PTPRM: variants seen among roughly 807,000 people sequenced by gnomAD.
PTPRM encodes the protein protein tyrosine phosphatase receptor type M.
A neutral mutation model predicts 186.7 loss-of-function variants in PTPRM; 47 were observed. The ratio of observed to expected loss-of-function variants is 0.25; its 90% CI spans 0.20 to 0.32. The LOEUF (loss-of-function observed/expected upper bound fraction) is 0.32. Ranked by LOEUF, PTPRM falls within the 10% of genes least tolerant of loss-of-function variation. PTPRM has a pLI of 1.00. For synonymous variants in PTPRM, 668 were observed against 674.9 expected, an observed-to-expected ratio of 0.99 and a Z score of 0.16; for missense variants, 1,494 against 1,865.0, an observed-to-expected ratio of 0.80 and a Z score of 3.66.
chr18:8,198,943 G>A (rs568994678), intron 14 of PTPRM, among the ~76,000 whole-genome samples: 34 of 152,200 alleles, frequency 2.2e-4, no homozygotes, highest in Admixed American at 2.0e-3. Flanking sequence ...AATGATGGCA[G>A]CAAAAGCCCA....
At chr18:7,667,422 G>A (rs2039120952) in intron 1 of PTPRM, among the ~76,000 whole-genome samples, 1 of 152,130 alleles carries the variant, frequency 6.6e-6, no homozygotes, top group Admixed American at 6.5e-5. Flanking sequence ...GGGCCTATAG[G>A]TCCCAAAGCA....
At chr18:8,325,441 G>T (rs1041509824) in intron 22 of PTPRM, among the ~76,000 whole-genome samples, 1 of 152,088 alleles carries the variant, frequency 6.6e-6, no homozygotes, top group East Asian at 1.9e-4. Flanking sequence ...CCTGCGATTG[G>T]TCAGTTAGGA....
Position 8,244,097 on chromosome 18 carries a change from C to G in PTPRM, c.2340C>G (p.Thr780=), listed in dbSNP as rs764456048. 2 of 1,609,196 alleles carry G rather than the reference C, an allele frequency of 1.2e-6. No individual in the cohort carries two copies. Among genetic ancestry groups the G allele is most frequent in the Non-Finnish European group, 1.7e-6 (2 of 1,178,452 alleles). The change falls in exon 15 of 33, where the codon ACC becomes ACG. Residue 780 remains threonine (T), a synonymous_variant. Transcript: ENST00000580170. The part of the protein sequence containing the change: ...AKKRKETMSS[T]RQEMTVMVNS... ...AGCGGAAAGAGACCATGAGCAGCAC[C>G]CGACAGGAGATGACTGTGATGGTGA...
intron 24 of PTPRM, 37 bp from the exon 25 acceptor site, chr18:8,376,009 T>C: frequency 6.3e-7 from 1 of 1,581,982 alleles, no homozygotes. Context: ...TGTTTTCCCT[T>C]GTTCTCTTCC....
chr18:8,209,989 TAAAAAAAAAAAA>T (rs67547673), intron 14 of PTPRM, among the ~76,000 whole-genome samples: 916 of 78,716 alleles, frequency 0.012, 13 homozygotes, highest in African/African-American at 0.027. Flanking sequence ...GAAGTAAAAT[TAAAAAAAAAAAA>T]AAAAAAAAAA....
At chr18:8,312,031 G>A (rs1166943502) in intron 20 of PTPRM, among the ~76,000 whole-genome samples, 4 of 152,086 alleles carry the variant, frequency 2.6e-5, no homozygotes, top group East Asian at 1.9e-4. Flanking sequence ...TAATTCGGTC[G>A]GTTGCCTGCC....
At position 8,101,332 on chromosome 18, in the gene PTPRM, T is replaced by A. The variant is rs186853930; in HGVS notation, c.1857-12154T>A. On this transcript the variant is annotated intron_variant, in intron 11 of 32. Coordinates refer to ENST00000580170, the MANE Select transcript of PTPRM (RefSeq NM_001105244.2). The stretch of plus-strand genomic sequence containing the variant: ...CAGCATCAAACACAGATGTTATCTG[T>A]TCAGTACAGGAAGCCTTTTCTTATT... 1.1e-4 allele frequency among the ~76,000 whole-genome samples: 17 copies of A among 152,294 alleles called. No individual in the cohort carries two copies. In the East Asian group the frequency reaches 3.3e-3, roughly 29 times the overall value.
intron 15 of PTPRM, among the ~76,000 whole-genome samples, chr18:8,247,564 G>T (rs765986626): frequency 1.3e-5 from 2 of 152,194 alleles, no homozygotes; most frequent in Non-Finnish European, 2.9e-5. Flanking sequence ...CAAAATAGAA[G>T]TCTGATGAAT....
At chr18:7,854,731 G>GTTTT (rs10541123) in intron 2 of PTPRM, among the ~76,000 whole-genome samples, 3,158 of 141,868 alleles carry the variant, frequency 0.022, 111 homozygotes, top group African/African-American at 0.076. Flanking sequence ...AATGTTAGGA[G>GTTTT]TTTTTTTTTT....
chr18:8,301,804 C>G lies in PTPRM; in HGVS notation c.2842+5349C>G, dbSNP rs566816973. ...CCCATGTTAGGAGGTGAGCACCCAG[C>G]AAGGAAAATGAAGCAGGGAATGGAG... On this transcript the variant is annotated intron_variant, in intron 20 of 32. Transcript: ENST00000580170. Among the ~76,000 whole-genome samples the G allele has an allele frequency of 5.3e-5, 8 of 152,268 alleles. No individual in the cohort carries two copies. In the East Asian group the frequency reaches 1.6e-3, roughly 30 times the overall value.
intron 7 of PTPRM, among the ~76,000 whole-genome samples, chr18:8,054,298 A>ATATAT (rs1555710874): frequency 0.11 from 13,982 of 131,440 alleles, 984 homozygotes; most frequent in South Asian, 0.15. Flanking sequence ...TAGTAGTAGT[A>ATATAT]ATATATATAT....
chr18:8,248,102 T>C (rs2094494699), intron 16 of PTPRM, 48 bp from the exon 17 acceptor site: 1 of 1,510,982 alleles, frequency 6.6e-7, no homozygotes, highest in Non-Finnish European at 9.2e-7. Context: ...TTTACTGTTC[T>C]TTCTCTTTTT....
intron 4 of PTPRM, among the ~76,000 whole-genome samples, chr18:7,911,878 A>C (rs571933021): frequency 8.1e-5 from 6 of 74,514 alleles, no homozygotes; most frequent in African/African-American, 3.7e-4. Context: ...TTTGAGATGG[A>C]GTCTCTCTTT....
At chr18:8,315,048 C>T (rs1263911921) in intron 21 of PTPRM, among the ~76,000 whole-genome samples, 191 bp downstream of exon 21, 1 of 152,160 alleles carries the variant, frequency 6.6e-6, no homozygotes, top group Non-Finnish European at 1.5e-5. Flanking sequence ...TGGGCTCAAT[C>T]TAAAAGCAAA....
intron 7 of PTPRM, among the ~76,000 whole-genome samples, chr18:8,038,190 T>A (rs2086458387): frequency 6.6e-6 from 1 of 152,100 alleles, no homozygotes; most frequent in African/African-American, 2.4e-5. Context: ...AACCCTGGTA[T>A]CTTCAGATTT....
Position 7,764,738 on chromosome 18 carries a change from G to A in PTPRM, c.74-9411G>A, listed in dbSNP as rs79514479. 7.5e-3 allele frequency among the ~76,000 whole-genome samples: 1,146 copies of A among 152,246 alleles called. 17 individuals carry two copies. Among genetic ancestry groups the A allele is most frequent in the African/African-American group, 0.025 (1,051 of 41,540 alleles). ...CTTGGAAAATCACTGCTCTAGTTTG[G>A]GACTCAGGACAACAGTGATTTCAGA... On this transcript the variant is annotated intron_variant, in intron 1 of 32. Transcript: ENST00000580170.
chr18:8,153,197 G>T (rs2093049743), intron 14 of PTPRM, among the ~76,000 whole-genome samples: 1 of 152,134 alleles, frequency 6.6e-6, no homozygotes. Flanking sequence ...TTAATTCCGG[G>T]AATATGGTGG....
At chr18:8,145,818 A>G (rs1212522572) in intron 14 of PTPRM, among the ~76,000 whole-genome samples, 5 of 152,180 alleles carry the variant, frequency 3.3e-5, no homozygotes, top group Non-Finnish European at 5.9e-5. Flanking sequence ...TTTATGGTAG[A>G]ACAATTTATA....
intron 2 of PTPRM, among the ~76,000 whole-genome samples, chr18:7,780,461 A>G (rs2145066937): frequency 6.6e-6 from 1 of 152,308 alleles, no homozygotes; most frequent in South Asian, 2.1e-4. Flanking sequence ...CTTGAAATGA[A>G]TGTGAAGGCT....
Sources: gnomAD v4.1 joint callset for allele counts (sites outside exome capture counted in the v4.1 genomes callset) on GRCh38, gnomAD v4.1.1 for gene constraint, MANE v1.5 for transcripts, NCBI Gene and HGNC (gene_info 2026-07-23, HGNC 2026-07-21) for gene names.